ADCY1: variants seen among roughly 807,000 people sequenced by gnomAD.
ADCY1 encodes the protein adenylate cyclase type 1.
Under a neutral mutation model 105.4 loss-of-function variants are expected in ADCY1, and 28 were observed. The observed-to-expected ratio is 0.27, with a 90% CI of 0.20 to 0.36. ADCY1 has a LOEUF of 0.36. ADCY1 is among the 10% of genes least tolerant of loss of function. The pLI, the probability that ADCY1 is intolerant of heterozygous loss-of-function variation, is 1.00. For synonymous variants in ADCY1, 655 were observed against 623.8 expected (o/e 1.05, Z -0.75); for missense variants, 977 against 1,434.2 (o/e 0.68, Z 5.15).
intron 4 of ADCY1, among the ~76,000 whole-genome samples, chr7:45,626,404 G>A (rs778833923): frequency 6.6e-6 from 1 of 152,190 alleles, no homozygotes; most frequent in Non-Finnish European, 1.5e-5. Flanking sequence ...TGTCCTGGGA[G>A]TCAGCCCCGT....
intron 17 of ADCY1, among the ~76,000 whole-genome samples, chr7:45,705,387 T>G (rs1012547569): frequency 1.3e-5 from 2 of 152,214 alleles, no homozygotes; most frequent in Non-Finnish European, 2.9e-5. Flanking sequence ...CTGCATTGGA[T>G]TTTTTCCAGA....
intron 11 of ADCY1, among the ~76,000 whole-genome samples, chr7:45,682,244 T>A (rs991144359): frequency 7.2e-5 from 11 of 152,170 alleles, no homozygotes; most frequent in East Asian, 1.9e-4. Context: ...ATCCCGGGAA[T>A]CAGGGTGGGG....
chr7:45,658,107 C>G (rs955151849), intron 6 of ADCY1, among the ~76,000 whole-genome samples: 7 of 152,166 alleles, frequency 4.6e-5, no homozygotes, highest in Non-Finnish European at 1.5e-5. Context: ...CTGAGCCTGG[C>G]GCACATCTAC....
At chr7:45,650,360 A>C (rs1411686350) in intron 5 of ADCY1, among the ~76,000 whole-genome samples, 1 of 152,138 alleles carries the variant, frequency 6.6e-6, no homozygotes, top group Non-Finnish European at 1.5e-5. Flanking sequence ...ATCATATGCT[A>C]TTTGTGTGTA....
chr7:45,696,432 C>T (rs1164165274), intron 14 of ADCY1, among the ~76,000 whole-genome samples: 2 of 103,336 alleles, frequency 1.9e-5, no homozygotes, highest in Non-Finnish European at 3.8e-5. Context: ...GAGCTATACT[C>T]CATCTCAAAA....
Position 45,648,739 on chromosome 7 carries a change from A to G in ADCY1, c.1090A>G (p.Lys364Glu). 6.2e-7 allele frequency: 1 copy of G among 1,614,148 alleles called. No individual in the cohort carries two copies. Among genetic ancestry groups the G allele is most frequent in the Non-Finnish European group, 8.5e-7 (1 of 1,180,024 alleles). ...YYCVSGLTQP[K>E]TDHAHCCVEM... Reference sequence around the variant, plus strand: ...CTGCGTGTCGGGCCTCACCCAGCCCAAGACTGACCATGCCCACTGCTGTGT... The same window carrying G: ...CTGCGTGTCGGGCCTCACCCAGCCCGAGACTGACCATGCCCACTGCTGTGT... The change falls in exon 5 of 20, where the codon AAG becomes GAG. Residue 364 changes from lysine to glutamate, a missense_variant. Coordinates refer to ENST00000297323, the MANE Select transcript of ADCY1 (RefSeq NM_021116.4).
At chr7:45,590,641 T>G (rs1792886730) in intron 1 of ADCY1, among the ~76,000 whole-genome samples, 1 of 152,120 alleles carries the variant, frequency 6.6e-6, no homozygotes, top group South Asian at 2.1e-4. Context: ...CTCTGTCAAA[T>G]GCACCGAGAG....
intron 4 of ADCY1, among the ~76,000 whole-genome samples, chr7:45,645,720 T>C (rs1260542725): frequency 6.6e-6 from 1 of 151,926 alleles, no homozygotes; most frequent in Non-Finnish European, 1.5e-5. Flanking sequence ...AATCCCTGAG[T>C]CCACTCACGC....
rs370856744 is a variant in ADCY1 at position 45,609,935 on chromosome 7, C to T, written c.790-444C>T. On this transcript the variant is annotated intron_variant, in intron 2 of 19. Coordinates refer to ENST00000297323, the MANE Select transcript of ADCY1 (RefSeq NM_021116.4). ...ACCAAGAAAGAATGCCACATGGTCC[C>T]GTAGCCCGCCTATCTGTGTAAGAAC... Among the ~76,000 whole-genome samples the T allele has an allele frequency of 2.0e-3, 306 of 152,272 alleles. 1 individual carries two copies. The highest frequency in any genetic ancestry group is 3.5e-3 in the South Asian group (17 of 4,822).
intron 3 of ADCY1, among the ~76,000 whole-genome samples, chr7:45,610,830 G>T (rs1562687223): frequency 1.6e-4 from 16 of 98,792 alleles, no homozygotes; most frequent in Middle Eastern, 5.5e-3. Flanking sequence ...GGAGGTGATA[G>T]TGGAGGTGTG....
intron 3 of ADCY1, among the ~76,000 whole-genome samples, chr7:45,619,174 G>A (rs866033191): frequency 4.6e-5 from 7 of 152,138 alleles, no homozygotes; most frequent in African/African-American, 1.4e-4. Context: ...TCTCTTAGAC[G>A]TAGGCAGTGG....
intron 3 of ADCY1, among the ~76,000 whole-genome samples, chr7:45,620,416 A>G (rs937110261): frequency 8.5e-5 from 13 of 152,192 alleles, no homozygotes; most frequent in Non-Finnish European, 8.8e-5. Flanking sequence ...AAGAAAATGA[A>G]GAGAGTGTCA....
chr7:45,610,503 G>T lies in ADCY1; in HGVS notation c.908+6G>T. ...CAGAGGCACGACAATGTGAGGTAGG[G>T]CTGGTGCTGACCCGGCACAGCGGGG... On this transcript the variant is annotated splice_donor_region_variant and intron_variant, in intron 3 of 19. Transcript: ENST00000297323. The T allele has an allele frequency of 6.2e-7, 1 of 1,612,228 alleles. No individual in the cohort carries two copies. The highest frequency in any genetic ancestry group is 1.1e-5 in the South Asian group (1 of 91,054).
chr7:45,607,827 T>A (rs1793422290), intron 2 of ADCY1, among the ~76,000 whole-genome samples: 1 of 152,242 alleles, frequency 6.6e-6, no homozygotes, highest in African/African-American at 2.4e-5. Flanking sequence ...CCACATTTTC[T>A]TTATCCAGCC....
At chr7:45,646,866 C>G (rs1794677588) in intron 4 of ADCY1, among the ~76,000 whole-genome samples, 1 of 152,252 alleles carries the variant, frequency 6.6e-6, no homozygotes, top group African/African-American at 2.4e-5. Context: ...ACCAGCCTCT[C>G]TGTGACCAGC....
At chr7:45,653,910 G>A (rs1296406823) in intron 5 of ADCY1, among the ~76,000 whole-genome samples, 1 of 152,240 alleles carries the variant, frequency 6.6e-6, no homozygotes, top group Non-Finnish European at 1.5e-5. Context: ...TTTCTTGAGT[G>A]GGCTGGGGGG....
At chr7:45,601,446 C>T (rs1793237191) in intron 2 of ADCY1, among the ~76,000 whole-genome samples, 1 of 152,208 alleles carries the variant, frequency 6.6e-6, no homozygotes, top group Non-Finnish European at 1.5e-5. Context: ...CACCCTTAGC[C>T]TGCTCCTCTG....
chr7:45,673,677 G>A (rs1784402831), intron 8 of ADCY1, among the ~76,000 whole-genome samples: 1 of 151,800 alleles, frequency 6.6e-6, no homozygotes, highest in Non-Finnish European at 1.5e-5. Flanking sequence ...GGCTTGCAGT[G>A]ATTTGCCAAC....
Position 45,686,624 on chromosome 7 carries a change from C to A in ADCY1, c.2405C>A (p.Ala802Asp). The A allele has an allele frequency of 6.2e-7, 1 of 1,613,438 alleles. No individual in the cohort carries two copies. Among genetic ancestry groups the A allele is most frequent in the Non-Finnish European group, 8.5e-7 (1 of 1,179,500 alleles). The part of the protein sequence containing the change: ...LLFSCALALH[A>D]RQVDIRLRLD... ...TTCTCCTGTGCGCTGGCCCTGCATG[C>A]CAGGCAGGTGGACATCAGGCTGAGG... The change falls in exon 14 of 20, where the codon GCC becomes GAC. Residue 802 changes from alanine to aspartate, a missense_variant. This residue lies in a region of ADCY1 where 275 missense variants were observed against 362.1 expected (regional missense o/e 0.76). Transcript: ENST00000297323. The surrounding 1 kb of genome is among the most constrained non-coding windows in gnomAD (Gnocchi z 4.3).
Sources: gnomAD v4.1 joint callset for allele counts (sites outside exome capture counted in the v4.1 genomes callset) on GRCh38, gnomAD v4.1.1 for gene constraint, gnomAD v4.1.1 regional missense constraint, Gnocchi (gnomAD v3.1) non-coding constraint, MANE v1.5 for transcripts, NCBI Gene and HGNC (gene_info 2026-07-23, HGNC 2026-07-21) for gene names.